Variants in TET1 observed in about 807,000 individuals in gnomAD.
TET1 encodes tet methylcytosine dioxygenase 1.
A neutral mutation model predicts 148.7 loss-of-function variants in TET1; 13 were observed. The observed-to-expected ratio is 0.09, with a 90% confidence interval of 0.06 to 0.14. TET1 has a LOEUF of 0.14. TET1 is among the 10% of genes least tolerant of loss of function. TET1 has a pLI of 1.00. For missense variants in TET1, 2,182 were observed against 2,553.8 expected (o/e 0.85, Z 3.14); for synonymous variants, 907 against 937.2 (o/e 0.97, Z 0.59).
At chr10:68,597,848 C>T (rs546940560) in intron 2 of TET1, among the ~76,000 whole-genome samples, 18 of 151,992 alleles carry the variant, frequency 1.2e-4, no homozygotes, top group Non-Finnish European at 2.4e-4. Flanking sequence ...CAAAGAGAAA[C>T]GAAAAGAAAA....
chr10:68,580,190 A>T (rs1362418692), intron 2 of TET1, among the ~76,000 whole-genome samples: 1 of 151,648 alleles, frequency 6.6e-6, no homozygotes, highest in East Asian at 1.9e-4. Flanking sequence ...GGCCTCCCAA[A>T]GTGCTGGGAT....
intron 2 of TET1, among the ~76,000 whole-genome samples, chr10:68,580,801 A>ATAT (rs1554930531): frequency 1.1e-3 from 142 of 125,396 alleles, no homozygotes; most frequent in African/African-American, 4.2e-3. Context: ...AAAAAAAAAA[A>ATAT]AAAAATATAT....
In TET1 at chr10:68,692,156, C is replaced by T. The variant is rs1258420951; in HGVS notation, c.*342C>T. ...AAGAGTCATTTTTAGAGGATTTTAA[C>T]AGGTTCATGTTCTATGATGTAAAAT... On this transcript the variant is annotated 3_prime_UTR_variant, in exon 12 of 12. Coordinates refer to ENST00000373644, the MANE Select transcript of TET1 (RefSeq NM_030625.3). 6.7e-6 allele frequency: 2 copies of T among 300,520 alleles called. No individual in the cohort carries two copies. Among genetic ancestry groups the T allele is most frequent in the Non-Finnish European group, 1.2e-5 (2 of 160,330 alleles). The allele number at this position is 300,520 out of a possible 1,614,324, so 18.6% of individuals were successfully genotyped here.
At chr10:68,690,114 A>T (rs2055569753) in intron 11 of TET1, among the ~76,000 whole-genome samples, 1 of 152,212 alleles carries the variant, frequency 6.6e-6, no homozygotes, top group Non-Finnish European at 1.5e-5. Context: ...AAACGTATCT[A>T]AATATCTTTG....
chr10:68,643,007 C>T (rs936414433), intron 3 of TET1, among the ~76,000 whole-genome samples: 4 of 151,908 alleles, frequency 2.6e-5, no homozygotes, highest in African/African-American at 9.7e-5. Flanking sequence ...TCTGTAACCC[C>T]AGTACTTTGG....
At chr10:68,577,143 C>T (rs1334858405) in intron 2 of TET1, among the ~76,000 whole-genome samples, 3 of 152,178 alleles carry the variant, frequency 2.0e-5, no homozygotes, top group Non-Finnish European at 4.4e-5. Context: ...ATCTCCTGAC[C>T]TCACGATCCA....
At chr10:68,599,632 T>C (rs977275667) in intron 2 of TET1, among the ~76,000 whole-genome samples, 9 of 152,132 alleles carry the variant, frequency 5.9e-5, no homozygotes, top group Non-Finnish European at 1.3e-4. Context: ...CAGGTCCCGA[T>C]CCCTGGGAAG....
chr10:68,686,215 A>G, intron 10 of TET1, 141 bp from the exon 11 acceptor site: 1 of 703,148 alleles, frequency 1.4e-6, no homozygotes, highest in East Asian at 2.7e-5. Context: ...ATAAAATAAT[A>G]ATATACCATC....
At chr10:68,595,961 T>C (rs7921303) in intron 2 of TET1, among the ~76,000 whole-genome samples, 1,983 of 37,280 alleles carry the variant, frequency 0.053, 169 homozygotes, top group African/African-American at 0.16. Flanking sequence ...TATATATATA[T>C]ACACACACAC....
At chr10:68,640,544 CTTTTTTTTT>C (rs60460824) in intron 3 of TET1, among the ~76,000 whole-genome samples, 7 of 42,886 alleles carry the variant, frequency 1.6e-4, no homozygotes, top group East Asian at 7.9e-4. Context: ...TTCTTTCTTT[CTTTTTTTTT>C]TTTTTTTTTT....
intron 11 of TET1, among the ~76,000 whole-genome samples, chr10:68,687,255 G>C (rs2055527916): frequency 6.6e-6 from 1 of 151,316 alleles, no homozygotes; most frequent in African/African-American, 2.4e-5. Context: ...CATGGGGAGG[G>C]GTCTCACTTT....
At chr10:68,649,020 T>C (rs576981268) in intron 4 of TET1, among the ~76,000 whole-genome samples, 4 of 152,282 alleles carry the variant, frequency 2.6e-5, no homozygotes, top group African/African-American at 7.2e-5. Flanking sequence ...TGGAGTTGAA[T>C]TGGGAGAAAA....
In TET1 at chr10:68,573,366, C is replaced by G. The variant is rs972522658; in HGVS notation, c.1028C>G (p.Pro343Arg). 6.2e-7 allele frequency: 1 copy of G among 1,614,070 alleles called. No homozygotes were observed. Among genetic ancestry groups the G allele is most frequent in the Non-Finnish European group, 8.5e-7 (1 of 1,180,022 alleles). Residue 343 changes from proline to arginine, a missense_variant, in exon 2 of 12, where the codon CCA becomes CGA. Transcript: ENST00000373644. Reference protein sequence around the residue: ...GSKQATLGAKPDHQEAFEATA... With the variant: ...GSKQATLGAKRDHQEAFEATA... ...AAACAAGCGACCCTTGGTGCTAAAC[C>G]AGATCATCAAGAGGCCTTCGAAGCT...
chr10:68,651,451 A>G (rs1327755210), intron 4 of TET1, among the ~76,000 whole-genome samples: 2 of 145,110 alleles, frequency 1.4e-5, no homozygotes, highest in Non-Finnish European at 3.0e-5. Flanking sequence ...ACTCTGTCTC[A>G]AAAAAAAAAG....
At position 68,571,051 on chromosome 10, in the gene TET1, T is replaced by C. The variant is rs1471087549; in HGVS notation, c.-122-1166T>C. 8.8e-4 allele frequency among the ~76,000 whole-genome samples: 129 copies of C among 146,182 alleles called. No homozygotes were observed. In the Middle Eastern group the frequency reaches 0.02, roughly 22 times the overall value. Reference sequence around the variant, plus strand: ...TGTCACCCAGGCTGGAGTGCAATGGTGCAATCTCGGCTCACTGCAACCTCC... The same window carrying C: ...TGTCACCCAGGCTGGAGTGCAATGGCGCAATCTCGGCTCACTGCAACCTCC... On this transcript the variant is annotated intron_variant, in intron 1 of 11. Coordinates refer to ENST00000373644, the MANE Select transcript of TET1 (RefSeq NM_030625.3).
At chr10:68,616,853 G>A (rs1262376291) in intron 3 of TET1, among the ~76,000 whole-genome samples, 1 of 150,266 alleles carries the variant, frequency 6.7e-6, no homozygotes, top group East Asian at 2.0e-4. Flanking sequence ...GGCTACAGGC[G>A]CCCACCACGA....
At chr10:68,676,434 C>T (rs566456141) in intron 8 of TET1, among the ~76,000 whole-genome samples, 5 of 151,566 alleles carry the variant, frequency 3.3e-5, no homozygotes, top group African/African-American at 1.2e-4. Context: ...CAAGCGCCCA[C>T]CACCACAGCC....
intron 3 of TET1, among the ~76,000 whole-genome samples, chr10:68,624,658 TTCTCTCTCTCTC>T (rs201414722): frequency 3.3e-4 from 31 of 95,268 alleles, no homozygotes; most frequent in Admixed American, 1.7e-3. Flanking sequence ...CTTTCTTTCT[TTCTCTCTCTCTC>T]TCTCTCTCTC....
chr10:68,578,127 C>T (rs2053753451), intron 2 of TET1, among the ~76,000 whole-genome samples: 1 of 152,094 alleles, frequency 6.6e-6, no homozygotes, highest in African/African-American at 2.4e-5. Context: ...GTAATCCCAG[C>T]ACTTTGAGAG....
Sources: gnomAD v4.1 joint callset for allele counts (sites outside exome capture counted in the v4.1 genomes callset) on GRCh38, gnomAD v4.1.1 for gene constraint, MANE v1.5 for transcripts, NCBI Gene and HGNC (gene_info 2026-07-23, HGNC 2026-07-21) for gene names.